NEDD9: variants seen among roughly 807,000 people sequenced by gnomAD.
The protein encoded by NEDD9 is neural precursor cell expressed, developmentally down-regulated 9.
In NEDD9, 26 loss-of-function variants were observed where a neutral mutation model predicts 76.6. The ratio of observed to expected loss-of-function variants is 0.34; its 90% CI spans 0.25 to 0.47. The LOEUF (loss-of-function observed/expected upper bound fraction) is 0.47, where lower values mean the gene tolerates loss of function less well. Among genes scored for constraint, NEDD9 ranks in the 20% least tolerant of loss-of-function variants. The pLI is 1.00. For missense variants in NEDD9, 937 were observed against 1,058.5 expected (o/e 0.89, Z 1.59); for synonymous variants, 392 against 414.2 (o/e 0.95, Z 0.65).
chr6:11,274,952 C>T (rs1760387077), intron 3 of NEDD9, among the ~76,000 whole-genome samples: 2 of 152,198 alleles, frequency 1.3e-5, no homozygotes, highest in Admixed American at 1.3e-4. Flanking sequence ...TTCATTGTAG[C>T]AGCATTGACA....
At chr6:11,248,426 C>G (rs1253079673) in intron 3 of NEDD9, among the ~76,000 whole-genome samples, 1 of 152,186 alleles carries the variant, frequency 6.6e-6, no homozygotes, top group Non-Finnish European at 1.5e-5. Flanking sequence ...GGCTTCAAAC[C>G]TCATGCTTAT....
chr6:11,227,656 CA>C (rs769690644), intron 1 of NEDD9, among the ~76,000 whole-genome samples: 3 of 152,162 alleles, frequency 2.0e-5, no homozygotes, highest in Admixed American at 6.6e-5. Context: ...CCTCTACATA[CA>C]AATAGAGGGT....
chr6:11,323,591 T>C (rs1761858707), intron 2 of NEDD9, among the ~76,000 whole-genome samples: 1 of 152,192 alleles, frequency 6.6e-6, no homozygotes, highest in Non-Finnish European at 1.5e-5. Flanking sequence ...CTGCTAAACA[T>C]CCTACGGTAC....
Position 11,263,010 on chromosome 6 carries a change from G to T in NEDD9, c.12+42982C>A, listed in dbSNP as rs540003104. 2.6e-5 allele frequency among the ~76,000 whole-genome samples: 4 copies of T among 152,218 alleles called. No individual in the cohort carries two copies. In the South Asian group the frequency reaches 8.3e-4, roughly 32 times the overall value. ...TCTGGGGTAACCAGTGTTTTAACAGGAAATCTAAAGGAAATGAACAATATG... is the reference window on the plus strand; with the variant it reads ...TCTGGGGTAACCAGTGTTTTAACAGTAAATCTAAAGGAAATGAACAATATG... On this transcript the variant is annotated intron_variant, in intron 3 of 3. Transcript: ENST00000397378.
rs140464824 is a variant in NEDD9 at position 11,337,150 on chromosome 6, G to A, written c.-213-2589C>T. ...GAGGAATCTCTTGAACCCAGGAGGC[G>A]GAGGTTGCAGTGAGCCCAGATCATG... On this transcript the variant is annotated intron_variant, in intron 1 of 3. Coordinates refer to the NEDD9 transcript ENST00000397378. Among the ~76,000 whole-genome samples, 754 of 152,214 alleles carry A rather than the reference G, an allele frequency of 5.0e-3. 24 individuals are homozygous for A. The East Asian group carries it at 0.099, about 20-fold the overall frequency.
intron 3 of NEDD9, among the ~76,000 whole-genome samples, chr6:11,250,405 C>T (rs1759895534): frequency 6.6e-6 from 1 of 152,174 alleles, no homozygotes; most frequent in Non-Finnish European, 1.5e-5. Flanking sequence ...AGGTAGTTTC[C>T]AAAATCTCTT....
At chr6:11,340,191 T>C (rs2113519967) in intron 1 of NEDD9, among the ~76,000 whole-genome samples, 1 of 152,338 alleles carries the variant, frequency 6.6e-6, no homozygotes, top group South Asian at 2.1e-4. Flanking sequence ...GCTGACAGCA[T>C]GGACCTCTAC....
intron 1 of NEDD9, among the ~76,000 whole-genome samples, chr6:11,347,956 G>A (rs762068118): frequency 2.6e-5 from 4 of 152,196 alleles, no homozygotes; most frequent in Non-Finnish European, 5.9e-5. Flanking sequence ...AATCAGGCAA[G>A]AGAAGAAATA....
At chr6:11,348,136 C>T (rs921398873) in intron 1 of NEDD9, among the ~76,000 whole-genome samples, 4 of 152,144 alleles carry the variant, frequency 2.6e-5, no homozygotes, top group Non-Finnish European at 5.9e-5. Context: ...CATTCCTATA[C>T]ACCAACAACA....
At chr6:11,203,454 G>T (rs1229281286) in intron 2 of NEDD9, among the ~76,000 whole-genome samples, 4 of 152,182 alleles carry the variant, frequency 2.6e-5, no homozygotes, top group Non-Finnish European at 5.9e-5. Flanking sequence ...CCCAAATGCC[G>T]ATTGGTATCA....
intron 3 of NEDD9, among the ~76,000 whole-genome samples, chr6:11,303,515 T>G (rs1008893780): frequency 3.3e-5 from 5 of 150,100 alleles, no homozygotes; most frequent in African/African-American, 1.2e-4. Flanking sequence ...AAAAAACTAC[T>G]TAAAAGAACA....
Position 11,185,065 on chromosome 6 carries a change from A to T in NEDD9, c.*97T>A, listed in dbSNP as rs1290250643. On this transcript the variant is annotated 3_prime_UTR_variant, in exon 7 of 7. Transcript: ENST00000379446. ...TTAAAATATTTCATTTTTATATAAA[A>T]TATCTACAAAAATAGATAACATTTA... The T allele has an allele frequency of 7.5e-7, 1 of 1,339,198 alleles. No homozygotes were observed. Among genetic ancestry groups the T allele is most frequent in the Non-Finnish European group, 1.0e-6 (1 of 997,354 alleles). The allele number at this position is 1,339,198 out of a possible 1,614,324, so 83.0% of individuals were successfully genotyped here.
intron 3 of NEDD9, among the ~76,000 whole-genome samples, chr6:11,256,859 T>C (rs1760013908): frequency 6.6e-6 from 1 of 152,236 alleles, no homozygotes; most frequent in Admixed American, 6.5e-5. Context: ...GGTGACATTC[T>C]GTCCTTTGTG....
At chr6:11,342,599 T>C (rs1406841212) in intron 1 of NEDD9, among the ~76,000 whole-genome samples, 4 of 152,122 alleles carry the variant, frequency 2.6e-5, no homozygotes, top group Admixed American at 1.3e-4. Flanking sequence ...GAAGGTGAAA[T>C]GAAGACATTT....
intron 1 of NEDD9, among the ~76,000 whole-genome samples, chr6:11,344,734 G>A (rs1762333814): frequency 6.6e-6 from 1 of 152,192 alleles, no homozygotes; most frequent in Admixed American, 6.5e-5. Flanking sequence ...ATGAGCATCA[G>A]CCTCTCCAGC....
chr6:11,326,789 C>T (rs1761937527), intron 2 of NEDD9, among the ~76,000 whole-genome samples: 2 of 152,226 alleles, frequency 1.3e-5, no homozygotes, highest in Admixed American at 6.5e-5. Context: ...CTTCCTTCCC[C>T]CTCCACTCAG....
intron 1 of NEDD9, among the ~76,000 whole-genome samples, chr6:11,354,634 C>A (rs776929692): frequency 2.0e-5 from 3 of 152,192 alleles, no homozygotes; most frequent in Non-Finnish European, 4.4e-5. Context: ...ACCTACCCAG[C>A]ATCTGTTCCT....
intron 1 of NEDD9, among the ~76,000 whole-genome samples, chr6:11,345,840 A>G (rs945354579): frequency 2.0e-5 from 3 of 152,238 alleles, no homozygotes; most frequent in Non-Finnish European, 4.4e-5. Flanking sequence ...GAGACAGAGC[A>G]TAAACAATTT....
intron 3 of NEDD9, among the ~76,000 whole-genome samples, chr6:11,249,929 C>T (rs1759883510): frequency 6.6e-6 from 1 of 152,108 alleles, no homozygotes; most frequent in African/African-American, 2.4e-5. Context: ...AGATCATGGT[C>T]AAGGGGCCCA....
Sources: allele counts gnomAD v4.1 joint callset (sites outside exome capture counted in the v4.1 genomes callset), GRCh38; gene constraint gnomAD v4.1.1; transcripts MANE v1.5; gene names NCBI Gene and HGNC (gene_info 2026-07-23, HGNC 2026-07-21).